Variants in CELSR1 observed in about 807,000 individuals in gnomAD.
CELSR1 encodes the protein cadherin EGF LAG seven-pass G-type receptor 1.
In CELSR1, 110 loss-of-function variants were observed where a neutral mutation model predicts 249.1. That is an observed-to-expected ratio of 0.44 (90% CI 0.38 to 0.52). The LOEUF (loss-of-function observed/expected upper bound fraction) is 0.52. CELSR1 is among the 20% of genes least tolerant of loss of function. The pLI, the probability that CELSR1 is intolerant of heterozygous loss-of-function variation, is 0.00. For missense variants in CELSR1, 4,109 were observed against 4,296.4 expected, an observed-to-expected ratio of 0.96 and a Z score of 1.22; for synonymous variants, 2,113 against 1,900.0, an observed-to-expected ratio of 1.11 and a Z score of -2.92.
rs2079634699 is a variant in CELSR1, at chr22:46,434,486, A to G, written c.4523-1005T>C. On this transcript the variant is annotated intron_variant, in intron 4 of 34. Transcript: ENST00000674500. This position sits in a 1 kb window ranked among gnomAD's most constrained non-coding sequence, Gnocchi z 4.9. Reference sequence around the variant, plus strand: ...CAGGGGAATAGCCTAATCCCACCTCACAGAGCCCGGAGGGCTATGGCCACC... The same window carrying G: ...CAGGGGAATAGCCTAATCCCACCTCGCAGAGCCCGGAGGGCTATGGCCACC... Among the ~76,000 whole-genome samples the G allele has an allele frequency of 2.0e-5, 3 of 152,226 alleles. No homozygotes were observed. Among genetic ancestry groups the G allele is most frequent in the African/African-American group, 7.2e-5 (3 of 41,462 alleles).
chr22:46,400,557 A>G (rs145687259), intron 9 of CELSR1, among the ~76,000 whole-genome samples: 83 of 152,152 alleles, frequency 5.5e-4, no homozygotes, highest in African/African-American at 1.8e-3. Flanking sequence ...GAATCGCTTG[A>G]ACCTGGGAGT....
At position 46,389,459 on chromosome 22, in the gene CELSR1, G is replaced by A. The variant is rs760629294; in HGVS notation, c.6386C>T (p.Ala2129Val). The A allele has an allele frequency of 3.1e-6, 5 of 1,613,270 alleles. No individual in the cohort carries two copies. The highest frequency in any genetic ancestry group is 4.2e-6 in the Non-Finnish European group (5 of 1,180,026). Reference sequence around the variant, plus strand: ...CGCCCTCACCAGCTGCAGGGCCCTGGCGCCGTCCACCTGCGTCTCATTGCG... The same window carrying A: ...CGCCCTCACCAGCTGCAGGGCCCTGACGCCGTCCACCTGCGTCTCATTGCG... ...LSRNETQVDG[A>V]RALQLVRALR... The change falls in exon 18 of 35, where the codon GCC (alanine) becomes GTC (valine). Residue 2129 changes from alanine (A) to valine (V), a missense_variant. Around this residue, in one of 7 missense-constraint regions of CELSR1, gnomAD observed 1,805 missense variants for 1,831.6 expected, o/e 0.99. Coordinates refer to ENST00000674500, the MANE Select transcript of CELSR1 (RefSeq NM_001378328.1).
chr22:46,486,432 C>T (rs2080313768), intron 1 of CELSR1, among the ~76,000 whole-genome samples: 2 of 151,704 alleles, frequency 1.3e-5, no homozygotes, highest in Non-Finnish European at 2.9e-5. Flanking sequence ...CCTGTAATCC[C>T]AGCTACTCAG....
rs1036014140 is a variant in CELSR1, at chr22:46,390,564, G to A, written c.6251-78C>T. On this transcript the variant is annotated intron_variant, in intron 16 of 34. Transcript: ENST00000674500. The surrounding 1 kb of genome is among the most constrained non-coding windows in gnomAD (Gnocchi z 6.3). ...GCTTGTGTATTTCAATCCACAATCT[G>A]AATATACTTAAACCCAGAACACTGC... 8 of 1,198,044 alleles carry A rather than the reference G, an allele frequency of 6.7e-6. No individual in the cohort carries two copies. The highest frequency in any genetic ancestry group is 1.9e-4 in the Middle Eastern group (1 of 5,252). The allele number at this position is 1,198,044 out of a possible 1,614,324, so 74.2% of individuals were successfully genotyped here.
Position 46,434,877 on chromosome 22 carries a change from T to C in CELSR1, c.4522+1297A>G, listed in dbSNP as rs1433497306. ...CCGGGCATGGTGAAACGTGCCTGTA[T>C]TCCCAGCTACTGGAGAGGCTGAGGC... On this transcript the variant is annotated intron_variant, in intron 4 of 34. Coordinates refer to ENST00000674500, the MANE Select transcript of CELSR1 (RefSeq NM_001378328.1). The surrounding 1 kb of genome is among the most constrained non-coding windows in gnomAD (Gnocchi z 4.9). 6.6e-6 allele frequency among the ~76,000 whole-genome samples: 1 copy of C among 152,032 alleles called. No individual in the cohort carries two copies. The highest frequency in any genetic ancestry group is 1.5e-5 in the Non-Finnish European group (1 of 68,000).
At position 46,393,381 on chromosome 22, in the gene CELSR1, A is replaced by G. The variant is rs2079114520; in HGVS notation, c.5964+761T>C. 6.6e-6 allele frequency among the ~76,000 whole-genome samples: 1 copy of G among 152,228 alleles called. No individual in the cohort carries two copies. Among genetic ancestry groups the G allele is most frequent in the Non-Finnish European group, 1.5e-5 (1 of 68,038 alleles). On this transcript the variant is annotated intron_variant, in intron 14 of 34. Transcript: ENST00000674500. This position sits in a 1 kb window ranked among gnomAD's most constrained non-coding sequence, Gnocchi z 4.1. ...ACCGCCCTGGACAGGCGTGGGGCAT[A>G]ACGCACTTAGTGACACTTTCTATTT...
Position 46,436,001 on chromosome 22 carries a change from T to TTA in CELSR1, c.4522+171_4522+172dup, listed in dbSNP as rs1210057160. ...GGCGTGAGCCACCACGCCCGGCCTG[T>TTA]TATGAACATCTTTGTGTACTTTGGA... is the stretch of plus-strand genomic sequence containing the variant. On this transcript the variant is annotated intron_variant, in intron 4 of 34. Coordinates refer to ENST00000674500, the MANE Select transcript of CELSR1 (RefSeq NM_001378328.1). The surrounding 1 kb of genome is among the most constrained non-coding windows in gnomAD (Gnocchi z 5.9). 6.6e-6 allele frequency among the ~76,000 whole-genome samples: 1 copy of TTA among 152,150 alleles called. No individual in the cohort carries two copies. Among genetic ancestry groups the TTA allele is most frequent in the East Asian group, 1.9e-4 (1 of 5,180 alleles).
intron 20 of CELSR1, among the ~76,000 whole-genome samples, chr22:46,382,736 GAC>G (rs912328489): frequency 3.9e-5 from 6 of 152,212 alleles, no homozygotes; most frequent in Non-Finnish European, 8.8e-5. Context: ...GGGGAAGTCT[GAC>G]AGTTGCTGCG....
At chr22:46,387,827 G>A (rs1358268279) in intron 18 of CELSR1, among the ~76,000 whole-genome samples, 1 of 152,106 alleles carries the variant, frequency 6.6e-6, no homozygotes, top group Non-Finnish European at 1.5e-5. Flanking sequence ...GACATGTGGC[G>A]ATGCCCCTGG....
intron 2 of CELSR1, among the ~76,000 whole-genome samples, chr22:46,456,648 G>A (rs2079955287): frequency 8.3e-6 from 1 of 120,230 alleles, no homozygotes; most frequent in African/African-American, 3.3e-5. Context: ...GGGCGACAGA[G>A]CGAGACTCTG....
intron 30 of CELSR1, 131 bp from the exon 31 acceptor site, chr22:46,365,820 C>T (rs947902161): frequency 7.0e-5 from 14 of 200,176 alleles, no homozygotes; most frequent in Middle Eastern, 4.4e-4. Flanking sequence ...AACAGCCTCC[C>T]GAGTATGTGG....
chr22:46,404,137 C>G (rs190127278), intron 9 of CELSR1, among the ~76,000 whole-genome samples: 1 of 151,984 alleles, frequency 6.6e-6, no homozygotes, highest in Non-Finnish European at 1.5e-5. Context: ...TGAGGCTGGG[C>G]GCGGTGGCTC....
rs1395520214 is a variant in CELSR1, at chr22:46,430,111, C to T, written c.4611+3282G>A. On this transcript the variant is annotated intron_variant, in intron 5 of 34. Transcript: ENST00000674500. The surrounding 1 kb of genome is among the most constrained non-coding windows in gnomAD (Gnocchi z 4.6). ...GGAGGCCACTCTGACAGGCAACACC[C>T]GGGAGATCATGCTCAGATCTAAAAT... Among the ~76,000 whole-genome samples, 2 of 152,144 alleles carry T rather than the reference C, an allele frequency of 1.3e-5. No individual in the cohort carries two copies. Among genetic ancestry groups the T allele is most frequent in the South Asian group, 2.1e-4 (1 of 4,824 alleles).
chr22:46,365,664 C>G lies in CELSR1; in HGVS notation c.8326G>C (p.Val2776Leu), dbSNP rs142042773. The change falls in exon 31 of 35, where the codon GTG becomes CTG. Residue 2776 changes from valine (V) to leucine (L), a missense_variant. Coordinates refer to ENST00000674500, the MANE Select transcript of CELSR1 (RefSeq NM_001378328.1). The part of the protein sequence containing the change: ...VRDEGIQKLG[V>L]SSGLVRGSHG... ...CTGCCCCTCACCAGCCCAGAGGACA[C>G]GCCGAGCTTCTGGATCCCTTCATCC... 1 of 1,582,960 alleles carries G rather than the reference C, an allele frequency of 6.3e-7. No homozygotes were observed. The highest frequency in any genetic ancestry group is 8.6e-7 in the Non-Finnish European group (1 of 1,164,886).
rs2080356198 is a variant in CELSR1, at chr22:46,490,437, C to T, written c.3545-26092G>A. 6.6e-6 allele frequency among the ~76,000 whole-genome samples: 1 copy of T among 152,138 alleles called. No homozygotes were observed. Among genetic ancestry groups the T allele is most frequent in the Non-Finnish European group, 1.5e-5 (1 of 68,038 alleles). On this transcript the variant is annotated intron_variant, in intron 1 of 34. Transcript: ENST00000674500. This position sits in a 1 kb window ranked among gnomAD's most constrained non-coding sequence, Gnocchi z 5.2. ...GAGTAGCTGGGATCACAGGCACCCA[C>T]CATCTCGTCTGGCTAATTTTTGTAT...
chr22:46,450,242 C>T (rs1292554241), intron 2 of CELSR1, among the ~76,000 whole-genome samples: 1 of 152,264 alleles, frequency 6.6e-6, no homozygotes. Context: ...CCAGCAGAGG[C>T]CCCCAGCCAC....
Position 46,423,662 on chromosome 22 carries a change from C to T in CELSR1, c.4611+9731G>A, listed in dbSNP as rs139384648. ...TAGGCAGTTTATGACCTTGAAAAAG[C>T]TATCCGATGAGCACTATTAACAAGT... On this transcript the variant is annotated intron_variant, in intron 5 of 34. Coordinates refer to ENST00000674500, the MANE Select transcript of CELSR1 (RefSeq NM_001378328.1). This position sits in a 1 kb window ranked among gnomAD's most constrained non-coding sequence, Gnocchi z 5.6. Among the ~76,000 whole-genome samples the T allele has an allele frequency of 1.8e-3, 272 of 149,154 alleles. 1 individual carries two copies. The highest frequency in any genetic ancestry group is 6.5e-3 in the African/African-American group (261 of 40,270).
rs986037660 is a variant in CELSR1, at chr22:46,410,770, C to T, written c.4770-209G>A. 2.0e-5 allele frequency among the ~76,000 whole-genome samples: 3 copies of T among 151,952 alleles called. No individual in the cohort carries two copies. The highest frequency in any genetic ancestry group is 1.9e-4 in the East Asian group (1 of 5,166). On this transcript the variant is annotated intron_variant, in intron 6 of 34. Transcript: ENST00000674500. The surrounding 1 kb of genome is among the most constrained non-coding windows in gnomAD (Gnocchi z 6.8). Reference sequence around the variant, plus strand: ...TGCTCACACTTGTGTTCAGTCCTGACGATCTGGGTGTTTCACGCTCACCAG... The same window carrying T: ...TGCTCACACTTGTGTTCAGTCCTGATGATCTGGGTGTTTCACGCTCACCAG...
intron 24 of CELSR1, among the ~76,000 whole-genome samples, chr22:46,373,491 GGGGGCAGCTTCACGCCCAGCGCTCTGGGA>G (rs1569111126): frequency 6.1e-5 from 9 of 147,064 alleles, no homozygotes; most frequent in Admixed American, 2.0e-4. Flanking sequence ...CTGGGGTGGG[GGGGGCAGCTTCACGCCCAGCGCTCTGGGA>G]GGGGCAGCTT....
Sources: allele counts gnomAD v4.1 joint callset (sites outside exome capture counted in the v4.1 genomes callset), GRCh38; gene constraint gnomAD v4.1.1; regional missense constraint gnomAD v4.1.1; non-coding constraint Gnocchi (gnomAD v3.1); transcripts MANE v1.5; gene names NCBI Gene and HGNC (gene_info 2026-07-23, HGNC 2026-07-21).